Variants in EPM2A observed in about 807,000 individuals in gnomAD.
EPM2A encodes the protein EPM2A glucan phosphatase, laforin, also known as laforin.
In EPM2A, 21 loss-of-function variants were observed where a neutral mutation model predicts 26.5. The observed-to-expected ratio is 0.79, with a 90% CI of 0.56 to 1.14. The LOEUF (loss-of-function observed/expected upper bound fraction) is 1.14, where lower values mean the gene tolerates loss of function less well. EPM2A is among the 50% of genes most tolerant of loss of function. The probability of loss-of-function intolerance (pLI) is 0.00; values close to 1 mark genes in which losing one functional copy is unlikely to be tolerated. For synonymous variants in EPM2A, 217 were observed against 177.6 expected, an observed-to-expected ratio of 1.22 and a Z score of -1.76; for missense variants, 458 against 440.8, an observed-to-expected ratio of 1.04 and a Z score of -0.35.
intron 3 of EPM2A, among the ~76,000 whole-genome samples, chr6:145,632,848 C>T (rs1288289554): frequency 6.6e-6 from 1 of 152,178 alleles, no homozygotes; most frequent in Non-Finnish European, 1.5e-5. Flanking sequence ...TGGTTATTAA[C>T]CCTTAGATTA....
At chr6:145,468,568 T>C (rs961852535) in intron 4 of EPM2A, among the ~76,000 whole-genome samples, 6 of 152,124 alleles carry the variant, frequency 3.9e-5, no homozygotes, top group African/African-American at 1.4e-4. Context: ...AATGTCTGTG[T>C]TTTGATCCAT....
chr6:145,658,944 G>C (rs1778487828), intron 2 of EPM2A, among the ~76,000 whole-genome samples: 2 of 151,972 alleles, frequency 1.3e-5, no homozygotes. Context: ...GATTTTTCAG[G>C]CTATAAAGTT....
At chr6:145,667,291 C>G (rs999152094) in intron 2 of EPM2A, among the ~76,000 whole-genome samples, 3 of 138,570 alleles carry the variant, frequency 2.2e-5, no homozygotes, top group African/African-American at 9.0e-5. Flanking sequence ...TATCCAGAAT[C>G]TACAATGAAC....
chr6:145,449,797 G>A (rs1165324940), intron 4 of EPM2A, among the ~76,000 whole-genome samples: 1 of 152,040 alleles, frequency 6.6e-6, no homozygotes, highest in Non-Finnish European at 1.5e-5. Context: ...TTTAAGCTTT[G>A]ATGTTTGCAT....
intron 1 of EPM2A, among the ~76,000 whole-genome samples, chr6:145,705,050 C>T: frequency 6.6e-6 from 1 of 152,152 alleles, no homozygotes; most frequent in East Asian, 1.9e-4. Context: ...TGCTCAAGTT[C>T]ATATATTTAT....
At chr6:145,526,026 T>C (rs452770) in intron 2 of EPM2A, among the ~76,000 whole-genome samples, 67,851 of 151,880 alleles carry the variant, frequency 0.45, 15,197 homozygotes, top group South Asian at 0.58. Flanking sequence ...TTATTGAAAG[T>C]TTTTTCATTG....
chr6:145,404,095 C>A (rs1246466724), intron 4 of EPM2A, among the ~76,000 whole-genome samples: 1 of 152,148 alleles, frequency 6.6e-6, no homozygotes, highest in Non-Finnish European at 1.5e-5. Context: ...ATCTTTTGCC[C>A]ATTTTTTTTA....
At chr6:145,714,074 G>A (rs913821372) in intron 1 of EPM2A, among the ~76,000 whole-genome samples, 2 of 152,188 alleles carry the variant, frequency 1.3e-5, no homozygotes, top group Non-Finnish European at 2.9e-5. Flanking sequence ...CCTGAGGATA[G>A]GGAAGGGAGG....
At position 145,735,502 on chromosome 6, in the gene EPM2A, G is replaced by GGGC. The variant is rs1272631763; in HGVS notation, c.-7_-5dup. ...CCACCCCAAAGCGGAAGCGCATGGCGGGCGGCGGCGGCGCGAATACCCGGG... is the reference window on the plus strand; with the variant it reads ...CCACCCCAAAGCGGAAGCGCATGGCGGGCGGCGGCGGCGGCGCGAATACCCGGG... On this transcript the variant is annotated 5_prime_UTR_variant, in exon 1 of 4. Transcript: ENST00000367519. 5.1e-6 allele frequency: 6 copies of GGGC among 1,186,128 alleles called. No homozygotes were observed. The East Asian group carries it at 1.5e-4, about 29-fold the overall frequency. 73.5% of individuals were successfully genotyped at this position (1,186,128 alleles called of 1,614,324 possible).
chr6:145,589,991 G>T (rs570323026), intron 2 of EPM2A, among the ~76,000 whole-genome samples: 1 of 151,998 alleles, frequency 6.6e-6, no homozygotes, highest in Admixed American at 6.6e-5. Flanking sequence ...GAGAATCGAG[G>T]TCATAGGGTA....
intron 2 of EPM2A, among the ~76,000 whole-genome samples, chr6:145,543,805 C>G (rs1431280088): frequency 6.6e-6 from 1 of 152,038 alleles, no homozygotes; most frequent in Non-Finnish European, 1.5e-5. Context: ...CCATTTTCCC[C>G]CTAGATTTCC....
At chr6:145,596,046 C>T (rs1175242265) in intron 2 of EPM2A, among the ~76,000 whole-genome samples, 4 of 152,214 alleles carry the variant, frequency 2.6e-5, no homozygotes, top group African/African-American at 9.6e-5. Flanking sequence ...TTTAAAAGTC[C>T]TAAACAACTA....
chr6:145,614,703 CACA>C (rs1419019337), intron 2 of EPM2A, among the ~76,000 whole-genome samples: 2 of 152,152 alleles, frequency 1.3e-5, no homozygotes, highest in Non-Finnish European at 2.9e-5. Flanking sequence ...GTCACAACTG[CACA>C]ACATCTATCA....
Position 145,626,049 on chromosome 6 carries a change from CCTT to C in EPM2A, c.*1364_*1366del. On this transcript the variant is annotated 3_prime_UTR_variant, in exon 4 of 4. Transcript: ENST00000367519. ...CATCTTTATCATGGAGATAATGAGACCTTCTTCATTGGATATTGTGAAGATTAA... is the reference window on the plus strand; with the variant it reads ...CATCTTTATCATGGAGATAATGAGACCTTCATTGGATATTGTGAAGATTAA... 8.8e-7 allele frequency: 1 copy of C among 1,133,818 alleles called. No individual in the cohort carries two copies. The highest frequency in any genetic ancestry group is 1.1e-6 in the Non-Finnish European group (1 of 898,576). 70.2% of individuals were successfully genotyped at this position (1,133,818 alleles called of 1,614,324 possible). A position where few individuals can be genotyped will look rare whatever the true frequency, so the allele number is the denominator to read the frequency against.
At chr6:145,589,888 T>A (rs201497589) in intron 2 of EPM2A, among the ~76,000 whole-genome samples, 1 of 140,894 alleles carries the variant, frequency 7.1e-6, no homozygotes, top group Admixed American at 7.1e-5. Context: ...GTTCAGAGGT[T>A]AAAAAAAAAA....
intron 4 of EPM2A, among the ~76,000 whole-genome samples, chr6:145,416,117 G>A (rs896321062): frequency 6.6e-6 from 1 of 152,084 alleles, no homozygotes; most frequent in South Asian, 2.1e-4. Flanking sequence ...GGGTACACTT[G>A]TCAGCAAAAA....
At chr6:145,384,970 A>C (rs1468529454) in intron 4 of EPM2A, among the ~76,000 whole-genome samples, 1 of 147,982 alleles carries the variant, frequency 6.8e-6, no homozygotes, top group Non-Finnish European at 1.5e-5. Context: ...GAAATTGAGA[A>C]TACAAAGAAA....
chr6:145,629,777 G>T lies in EPM2A; in HGVS notation c.719-2084C>A, dbSNP rs543192835. On this transcript the variant is annotated intron_variant, in intron 3 of 3. Coordinates refer to ENST00000367519, the MANE Select transcript of EPM2A (RefSeq NM_005670.4). ...TGTCTCTCCAGATACTATGTGCCTTGGCAGGAAACAAAAAAGAATCATTTA... is the reference window on the plus strand; with the variant it reads ...TGTCTCTCCAGATACTATGTGCCTTTGCAGGAAACAAAAAAGAATCATTTA... 1.1e-4 allele frequency: 16 copies of T among 152,304 alleles called. No homozygotes were observed. In the East Asian group the frequency reaches 2.5e-3, roughly 24 times the overall value. 9.4% of individuals were successfully genotyped at this position (152,304 alleles called of 1,614,324 possible).
rs373679567 is a variant in EPM2A at position 145,705,549 on chromosome 6, T to C, written c.302-19253A>G. The C allele has an allele frequency of 4.6e-5, 21 of 456,332 alleles. 1 individual carries two copies. In the East Asian group the frequency reaches 7.6e-4, roughly 17 times the overall value. The allele number at this position is 456,332 out of a possible 1,614,324, so 28.3% of individuals were successfully genotyped here. On this transcript the variant is annotated intron_variant, in intron 1 of 3. Coordinates refer to ENST00000367519, the MANE Select transcript of EPM2A (RefSeq NM_005670.4). ...CAGCCTGGGCGACAGACTGAGACCC[T>C]GTCTCAAAACAAACAAACAAAGAAA...
Sources: allele counts gnomAD v4.1 joint callset (sites outside exome capture counted in the v4.1 genomes callset), GRCh38; gene constraint gnomAD v4.1.1; transcripts MANE v1.5; gene names NCBI Gene and HGNC (gene_info 2026-07-23, HGNC 2026-07-21).